The following VWC2L variants were observed in gnomAD, a reference collection of about 807,000 sequenced individuals.
VWC2L encodes the protein von Willebrand factor C domain containing 2 like, also known as von Willebrand factor C domain-containing protein 2-like.
VWC2L carries 10 observed loss-of-function variants against 21.6 expected under a neutral mutation model. The observed-to-expected ratio is 0.46, with a 90% confidence interval of 0.29 to 0.78. The LOEUF (loss-of-function observed/expected upper bound fraction) is 0.78, where lower values mean the gene tolerates loss of function less well. VWC2L is among the 30% of genes least tolerant of loss of function. VWC2L has a pLI of 0.10. For synonymous variants in VWC2L, 96 were observed against 94.3 expected (o/e 1.02, Z -0.10); for missense variants, 209 against 277.1 (o/e 0.75, Z 1.74).
intron 3 of VWC2L, among the ~76,000 whole-genome samples, chr2:214,454,526 GTGTGTCTCTTGAGATAATCA>G (rs1313091335): frequency 7.0e-6 from 1 of 143,882 alleles, no homozygotes; most frequent in Non-Finnish European, 1.5e-5. Context: ...AAGGATTTTT[GTGTGTCTCTTGAGATAATCA>G]TGTGGGGTTT....
At chr2:214,524,932 C>CTTTTTTT (rs5838441) in intron 3 of VWC2L, among the ~76,000 whole-genome samples, 2 of 144,864 alleles carry the variant, frequency 1.4e-5, no homozygotes, top group Non-Finnish European at 1.5e-5. Flanking sequence ...CTTTGGCTGG[C>CTTTTTTT]TTTTTTTTTT....
chr2:214,573,293 TCTGA>T (rs1690180126), intron 3 of VWC2L, among the ~76,000 whole-genome samples: 1 of 152,112 alleles, frequency 6.6e-6, no homozygotes, highest in African/African-American at 2.4e-5. Flanking sequence ...TTAAGATTCT[TCTGA>T]CTGTCGAATA....
intron 3 of VWC2L, among the ~76,000 whole-genome samples, chr2:214,462,122 T>G (rs887229415): frequency 1.4e-4 from 22 of 152,126 alleles, no homozygotes; most frequent in Non-Finnish European, 1.9e-4. Flanking sequence ...GAAGCTAGGC[T>G]CTCAAAATGG....
chr2:214,479,848 T>C (rs1043989961), intron 3 of VWC2L, among the ~76,000 whole-genome samples: 4 of 152,184 alleles, frequency 2.6e-5, no homozygotes, highest in Non-Finnish European at 5.9e-5. Context: ...TCTAATAAGA[T>C]TGTATTAGTT....
chr2:214,508,133 T>C (rs759082973), intron 3 of VWC2L, among the ~76,000 whole-genome samples: 8 of 151,884 alleles, frequency 5.3e-5, no homozygotes, highest in African/African-American at 1.9e-4. Flanking sequence ...CCCACCACCG[T>C]GCCCGGCTAA....
chr2:214,458,285 C>T (rs1703086772), intron 3 of VWC2L, among the ~76,000 whole-genome samples: 1 of 151,800 alleles, frequency 6.6e-6, no homozygotes, highest in Non-Finnish European at 1.5e-5. Flanking sequence ...GTAATGTTTC[C>T]TTTTTCACTC....
intron 2 of VWC2L, among the ~76,000 whole-genome samples, chr2:214,419,394 G>A (rs1702400593): frequency 6.6e-6 from 1 of 152,160 alleles, no homozygotes; most frequent in Non-Finnish European, 1.5e-5. Context: ...CTCAAAGGAA[G>A]AAATAATTTC....
At chr2:214,465,930 T>A (rs530688640) in intron 3 of VWC2L, among the ~76,000 whole-genome samples, 1 of 152,264 alleles carries the variant, frequency 6.6e-6, no homozygotes, top group South Asian at 2.1e-4. Context: ...CAATGCAAAG[T>A]TGCACAATCG....
chr2:214,503,089 G>A (rs114179471), intron 3 of VWC2L, among the ~76,000 whole-genome samples: 2,010 of 152,260 alleles, frequency 0.013, 44 homozygotes, highest in African/African-American at 0.045. Context: ...ATCTAGGCAC[G>A]TAGCACCAAA....
chr2:214,534,279 T>G (rs1023485712), intron 3 of VWC2L: 4 of 152,566 alleles, frequency 2.6e-5, no homozygotes, highest in African/African-American at 7.2e-5. Context: ...AGGCCATCAC[T>G]AGGCCTGGGT....
chr2:214,546,926 G>A (rs376321282), intron 3 of VWC2L, among the ~76,000 whole-genome samples: 1 of 152,142 alleles, frequency 6.6e-6, no homozygotes, highest in African/African-American at 2.4e-5. Context: ...CAGTACTGTT[G>A]AAATAAATGC....
chr2:214,444,377 A>G (rs1050471587), intron 3 of VWC2L, among the ~76,000 whole-genome samples: 17 of 152,040 alleles, frequency 1.1e-4, no homozygotes, highest in Non-Finnish European at 2.4e-4. Context: ...ATGAATAAAC[A>G]TTAATTTGGG....
intron 2 of VWC2L, among the ~76,000 whole-genome samples, chr2:214,421,574 G>A (rs1446586657): frequency 2.6e-5 from 4 of 152,026 alleles, no homozygotes. Flanking sequence ...TGGGAGATCG[G>A]CGTTGATTTG....
intron 3 of VWC2L, among the ~76,000 whole-genome samples, chr2:214,503,982 G>C (rs1023915547): frequency 1.9e-5 from 1 of 53,560 alleles, no homozygotes; most frequent in East Asian, 0.011. Flanking sequence ...TTGACTATAA[G>C]AAGACCACTT....
intron 3 of VWC2L, among the ~76,000 whole-genome samples, chr2:214,573,113 T>C (rs1690176446): frequency 6.6e-6 from 1 of 152,164 alleles, no homozygotes; most frequent in Admixed American, 6.5e-5. Flanking sequence ...AAAATATCCC[T>C]TCAGGATAAG....
At chr2:214,543,714 T>C (rs1003921595) in intron 3 of VWC2L, among the ~76,000 whole-genome samples, 5 of 151,430 alleles carry the variant, frequency 3.3e-5, no homozygotes, top group Admixed American at 6.6e-5. Flanking sequence ...CTCAGCTTAA[T>C]TGAATAAACA....
At chr2:214,569,941 T>G (rs1690125370) in intron 3 of VWC2L, among the ~76,000 whole-genome samples, 1 of 151,520 alleles carries the variant, frequency 6.6e-6, no homozygotes, top group Non-Finnish European at 1.5e-5. Flanking sequence ...CCATCCAATT[T>G]TTATGCACCT....
intron 3 of VWC2L, among the ~76,000 whole-genome samples, chr2:214,465,016 G>T (rs1391069558): frequency 2.6e-5 from 4 of 151,978 alleles, no homozygotes; most frequent in African/African-American, 9.7e-5. Flanking sequence ...CCAGGCCTAG[G>T]TCTCTCCTTT....
intron 3 of VWC2L, among the ~76,000 whole-genome samples, chr2:214,572,984 G>A (rs1262940668): frequency 6.6e-6 from 1 of 152,146 alleles, no homozygotes. Context: ...AGCTGAGAGT[G>A]CAGCAAATTC....
Sources: gnomAD v4.1 joint callset for allele counts (sites outside exome capture counted in the v4.1 genomes callset) on GRCh38, gnomAD v4.1.1 for gene constraint, MANE v1.5 for transcripts, NCBI Gene and HGNC (gene_info 2026-07-23, HGNC 2026-07-21) for gene names.